Variants in DNAJC11 observed in about 807,000 individuals in gnomAD.
DNAJC11 encodes the protein dnaJ homolog subfamily C member 11.
Under a neutral mutation model 78.6 loss-of-function variants are expected in DNAJC11, and 15 were observed. The ratio of observed to expected loss-of-function variants is 0.19; its 90% CI spans 0.13 to 0.29. DNAJC11 has a LOEUF of 0.29. Ranked by LOEUF, DNAJC11 falls within the 10% of genes least tolerant of loss-of-function variation. The pLI is 1.00. For missense variants in DNAJC11, 547 were observed against 709.6 expected, an observed-to-expected ratio of 0.77 and a Z score of 2.60; for synonymous variants, 292 against 272.1, an observed-to-expected ratio of 1.07 and a Z score of -0.72.
chr1:6,659,501 T>A (rs1642175991), intron 4 of DNAJC11, among the ~76,000 whole-genome samples: 1 of 152,218 alleles, frequency 6.6e-6, no homozygotes, highest in Admixed American at 6.5e-5. Flanking sequence ...GGCTCACACC[T>A]GTAATCACAG....
chr1:6,652,342 G>C (rs1642068837), intron 6 of DNAJC11, among the ~76,000 whole-genome samples: 1 of 152,206 alleles, frequency 6.6e-6, no homozygotes, highest in Non-Finnish European at 1.5e-5. Context: ...TGGATTTCTA[G>C]AAGTTGGCAT....
At chr1:6,691,899 T>C (rs1486364271) in intron 1 of DNAJC11, among the ~76,000 whole-genome samples, 2 of 152,238 alleles carry the variant, frequency 1.3e-5, no homozygotes, top group Admixed American at 1.3e-4. Flanking sequence ...GTGACTCCTT[T>C]AAAAAATATA....
intron 1 of DNAJC11, among the ~76,000 whole-genome samples, chr1:6,689,190 A>G (rs1041101539): frequency 6.6e-6 from 1 of 152,220 alleles, no homozygotes; most frequent in Non-Finnish European, 1.5e-5. Flanking sequence ...ACAGACAACA[A>G]ACAAACAAAA....
Position 6,634,301 on chromosome 1 carries a change from A to G in DNAJC11, c.*1374T>C. ...AGCCCGGGGCCCAGGCTCATGCAACACGACGCTCACCGCGGCTCGGGCCGT... is the reference window on the plus strand; with the variant it reads ...AGCCCGGGGCCCAGGCTCATGCAACGCGACGCTCACCGCGGCTCGGGCCGT... On this transcript the variant is annotated 3_prime_UTR_variant, in exon 16 of 16. Transcript: ENST00000377577. 2.2e-6 allele frequency: 2 copies of G among 926,694 alleles called. No individual in the cohort carries two copies. The highest frequency in any genetic ancestry group is 3.1e-6 in the Non-Finnish European group (2 of 636,956). 57.4% of individuals were successfully genotyped at this position (926,694 alleles called of 1,614,324 possible).
chr1:6,674,027 T>C (rs1025839781), intron 3 of DNAJC11, among the ~76,000 whole-genome samples: 1 of 152,178 alleles, frequency 6.6e-6, no homozygotes, highest in Admixed American at 6.5e-5. Context: ...AGTTACGTGG[T>C]TTCCATGGCA....
At chr1:6,684,869 T>C (rs1339511829) in intron 1 of DNAJC11, among the ~76,000 whole-genome samples, 1 of 152,234 alleles carries the variant, frequency 6.6e-6, no homozygotes, top group Non-Finnish European at 1.5e-5. Context: ...CCTGGTTATA[T>C]TTTCTGGATA....
At chr1:6,651,697 T>C (rs1239512087) in intron 6 of DNAJC11, 95 bp from the exon 7 acceptor site, 2 of 882,126 alleles carry the variant, frequency 2.3e-6, no homozygotes, top group Non-Finnish European at 3.7e-6. Flanking sequence ...AATTCCTTCA[T>C]TCAATTCACT....
chr1:6,637,140 G>A (rs1238549272), intron 14 of DNAJC11, 58 bp downstream of exon 14: 47 of 1,603,014 alleles, frequency 2.9e-5, no homozygotes, highest in Middle Eastern at 3.8e-4. Context: ...CTGAGTCACC[G>A]CGCCCAGCCT....
chr1:6,686,598 C>T (rs552469890), intron 1 of DNAJC11, among the ~76,000 whole-genome samples: 2 of 152,220 alleles, frequency 1.3e-5, no homozygotes, highest in Non-Finnish European at 2.9e-5. Flanking sequence ...ACACACCTCA[C>T]TTCCACTGAC....
chr1:6,688,907 T>C (rs1030595085), intron 1 of DNAJC11, among the ~76,000 whole-genome samples: 1 of 152,228 alleles, frequency 6.6e-6, no homozygotes, highest in Non-Finnish European at 1.5e-5. Context: ...AGTACCATTA[T>C]GTGCCTGGCA....
intron 1 of DNAJC11, among the ~76,000 whole-genome samples, chr1:6,691,179 C>T (rs1170482675): frequency 7.3e-6 from 1 of 137,426 alleles, no homozygotes; most frequent in African/African-American, 2.7e-5. Flanking sequence ...CAACAGAATC[C>T]CAAAGACTGA....
At chr1:6,669,840 G>C (rs74050214) in intron 3 of DNAJC11, among the ~76,000 whole-genome samples, 7,406 of 152,168 alleles carry the variant, frequency 0.049, 610 homozygotes, top group African/African-American at 0.17. Context: ...TACGAAAGCA[G>C]ATTCTGCCCA....
At chr1:6,646,921 T>C (rs956435676) in intron 7 of DNAJC11, among the ~76,000 whole-genome samples, 2 of 151,638 alleles carry the variant, frequency 1.3e-5, no homozygotes, top group East Asian at 1.9e-4. Context: ...TTTGGGAGGC[T>C]GAGGAGGCAA....
At chr1:6,673,114 T>G (rs2147874383) in intron 3 of DNAJC11, among the ~76,000 whole-genome samples, 1 of 137,618 alleles carries the variant, frequency 7.3e-6, no homozygotes, top group Non-Finnish European at 1.5e-5. Context: ...GAGAATTGCT[T>G]GAACCTAGGA....
intron 1 of DNAJC11, among the ~76,000 whole-genome samples, chr1:6,681,681 G>A (rs1446650479): frequency 6.6e-6 from 1 of 152,146 alleles, no homozygotes; most frequent in Non-Finnish European, 1.5e-5. Flanking sequence ...AAGGCAGACG[G>A]GCTCTGGTGT....
At chr1:6,695,263 G>C (rs1041192121) in intron 1 of DNAJC11, among the ~76,000 whole-genome samples, 1 of 151,730 alleles carries the variant, frequency 6.6e-6, no homozygotes, top group South Asian at 2.1e-4. Flanking sequence ...AGCCTCCTAA[G>C]GTGCTGGAAT....
chr1:6,700,379 T>C (rs1042008015), intron 1 of DNAJC11, among the ~76,000 whole-genome samples: 50 of 152,298 alleles, frequency 3.3e-4, no homozygotes, highest in African/African-American at 1.1e-3. Flanking sequence ...ACAAAGCCTG[T>C]TTGGTGGTCT....
intron 1 of DNAJC11, among the ~76,000 whole-genome samples, chr1:6,683,463 C>T (rs1298943573): frequency 2.0e-5 from 3 of 152,168 alleles, no homozygotes; most frequent in Non-Finnish European, 4.4e-5. Flanking sequence ...CAACACACAG[C>T]AAAAACTTAG....
rs1397273807 is a variant in DNAJC11, at chr1:6,644,706, C to G, written c.981-32G>C. On this transcript the variant is annotated intron_variant, in intron 9 of 15. Transcript: ENST00000377577. ...GGAGAGAACGCGGTCTGTGCCTGTG[C>G]CCCTCATTCATCACTTCAGGGGCAG... 4 of 1,571,054 alleles carry G rather than the reference C, an allele frequency of 2.5e-6. No individual in the cohort carries two copies. In the African/African-American group the frequency reaches 4.0e-5, roughly 16 times the overall value.
Sources: gnomAD v4.1 joint callset for allele counts (sites outside exome capture counted in the v4.1 genomes callset) on GRCh38, gnomAD v4.1.1 for gene constraint, MANE v1.5 for transcripts, NCBI Gene and HGNC (gene_info 2026-07-23, HGNC 2026-07-21) for gene names.